GAS2: variants seen among roughly 807,000 people sequenced by gnomAD.
The protein encoded by GAS2 is growth arrest specific 2, also known as growth arrest-specific protein 2.
GAS2 carries 20 observed loss-of-function variants against 37.5 expected under a neutral mutation model. That is an observed-to-expected ratio of 0.53 (90% CI 0.37 to 0.77). GAS2 has a LOEUF of 0.77. Among genes scored for constraint, GAS2 ranks in the 30% least tolerant of loss-of-function variants. The pLI is 0.00. For synonymous variants in GAS2, 144 were observed against 132.2 expected (o/e 1.09, Z -0.61); for missense variants, 336 against 373.4 (o/e 0.90, Z 0.82).
intron 7 of GAS2, among the ~76,000 whole-genome samples, chr11:22,777,796 A>C (rs1855336832): frequency 6.6e-6 from 1 of 152,200 alleles, no homozygotes; most frequent in Non-Finnish European, 1.5e-5. Flanking sequence ...AAGGCATTAC[A>C]CGGCAATTGG....
intron 7 of GAS2, among the ~76,000 whole-genome samples, chr11:22,769,763 C>A (rs1390514569): frequency 6.6e-6 from 1 of 152,118 alleles, no homozygotes; most frequent in African/African-American, 2.4e-5. Flanking sequence ...TTTGGAATCT[C>A]TAATTTTGAG....
At chr11:22,654,346 TC>T (rs1232163490) in intron 1 of GAS2, among the ~76,000 whole-genome samples, 1 of 152,024 alleles carries the variant, frequency 6.6e-6, no homozygotes, top group African/African-American at 2.4e-5. Context: ...ATTTTTTCCT[TC>T]CTTCCTTTCC....
chr11:22,685,060 G>A (rs906181012), intron 2 of GAS2, among the ~76,000 whole-genome samples: 1 of 151,982 alleles, frequency 6.6e-6, no homozygotes, highest in Non-Finnish European at 1.5e-5. Flanking sequence ...AGTACTTTTG[G>A]AGGCCGAGGC....
At chr11:22,685,194 G>A (rs1037242124) in intron 2 of GAS2, among the ~76,000 whole-genome samples, 1 of 152,080 alleles carries the variant, frequency 6.6e-6, no homozygotes, top group Non-Finnish European at 1.5e-5. Flanking sequence ...GACCTACGGC[G>A]TTCTTGTAGT....
chr11:22,703,291 G>T (rs986701055), intron 3 of GAS2, among the ~76,000 whole-genome samples: 1 of 152,142 alleles, frequency 6.6e-6, no homozygotes, highest in Non-Finnish European at 1.5e-5. Context: ...TGTAAAAGGA[G>T]TCTAACTGGG....
intron 1 of GAS2, among the ~76,000 whole-genome samples, chr11:22,654,632 G>A (rs1300299850): frequency 6.6e-6 from 1 of 152,106 alleles, no homozygotes; most frequent in East Asian, 1.9e-4. Context: ...CCAGGCTAAA[G>A]TAATCCTCCC....
chr11:22,811,716 T>A lies in GAS2; in HGVS notation c.724-82T>A, dbSNP rs551257824. The A allele has an allele frequency of 1.6e-5, 21 of 1,322,298 alleles. No homozygotes were observed. The Admixed American group carries it at 3.7e-4, about 23-fold the overall frequency. The allele number at this position is 1,322,298 out of a possible 1,614,324, so 81.9% of individuals were successfully genotyped here. ...GGTCATGAAATACAAACCAAAACAC[T>A]AATTTCACTAGAACCAGGGGTTGAT... On this transcript the variant is annotated intron_variant, in intron 7 of 7. Transcript: ENST00000454584.
At chr11:22,629,659 T>C (rs542332194) in intron 1 of GAS2, among the ~76,000 whole-genome samples, 1 of 151,452 alleles carries the variant, frequency 6.6e-6, no homozygotes, top group Non-Finnish European at 1.5e-5. Flanking sequence ...GGATTATTGG[T>C]TTTTTTTTCT....
chr11:22,773,939 C>A lies in GAS2; in HGVS notation c.723+17986C>A, dbSNP rs76312304. On this transcript the variant is annotated intron_variant, in intron 7 of 7. Transcript: ENST00000454584. Reference sequence around the variant, plus strand: ...TGTAATGTGCTTCCCACCTGGCATGCACTTCCTAGACATTCCCAGTTAAAT... The same window carrying A: ...TGTAATGTGCTTCCCACCTGGCATGAACTTCCTAGACATTCCCAGTTAAAT... Among the ~76,000 whole-genome samples the A allele has an allele frequency of 4.0e-3, 603 of 152,270 alleles. 6 individuals are homozygous for A. Among genetic ancestry groups the A allele is most frequent in the African/African-American group, 0.014 (574 of 41,562 alleles).
intron 7 of GAS2, among the ~76,000 whole-genome samples, chr11:22,790,860 A>G (rs1856121511): frequency 6.6e-6 from 1 of 152,112 alleles, no homozygotes; most frequent in Admixed American, 6.5e-5. Context: ...ATTGCATTGT[A>G]ATAAGAAATT....
chr11:22,803,851 T>G (rs1856770466), intron 7 of GAS2, among the ~76,000 whole-genome samples: 1 of 152,110 alleles, frequency 6.6e-6, no homozygotes, highest in South Asian at 2.1e-4. Context: ...TATTGTGGGA[T>G]TCATGTAACT....
intron 3 of GAS2, among the ~76,000 whole-genome samples, chr11:22,711,658 T>A: frequency 6.6e-6 from 1 of 152,292 alleles, no homozygotes; most frequent in African/African-American, 2.4e-5. Flanking sequence ...CTCAGTGCAG[T>A]TCTGGAAGCA....
rs528308567 is a variant in GAS2 at position 22,712,332 on chromosome 11, G to A, written c.268-13960G>A. 5.3e-5 allele frequency among the ~76,000 whole-genome samples: 8 copies of A among 152,250 alleles called. No homozygotes were observed. In the South Asian group the frequency reaches 6.2e-4, roughly 12 times the overall value. On this transcript the variant is annotated intron_variant, in intron 3 of 7. Transcript: ENST00000454584. ...TGCCATCTCCGCCAGAGCAGGTTCCGGCATCCACAGCTGGGAGACCTGAAG... is the reference window on the plus strand; with the variant it reads ...TGCCATCTCCGCCAGAGCAGGTTCCAGCATCCACAGCTGGGAGACCTGAAG...
chr11:22,647,519 A>G (rs1202824962), intron 1 of GAS2, among the ~76,000 whole-genome samples: 1 of 152,004 alleles, frequency 6.6e-6, no homozygotes. Context: ...CAATGGTTGA[A>G]CTAGTTTACA....
chr11:22,742,119 A>T (rs1197777688), intron 5 of GAS2, among the ~76,000 whole-genome samples: 2 of 151,272 alleles, frequency 1.3e-5, no homozygotes, highest in African/African-American at 4.9e-5. Context: ...CTATCACTTT[A>T]AAAAAAAATG....
At chr11:22,801,720 A>G (rs1292361248) in intron 7 of GAS2, among the ~76,000 whole-genome samples, 1 of 152,096 alleles carries the variant, frequency 6.6e-6, no homozygotes, top group Admixed American at 6.6e-5. Flanking sequence ...TGAACCACCT[A>G]TGTGACCTCT....
chr11:22,796,270 C>G (rs1856424423), intron 7 of GAS2, among the ~76,000 whole-genome samples: 1 of 152,064 alleles, frequency 6.6e-6, no homozygotes, highest in South Asian at 2.1e-4. Context: ...TTCTCCTCAC[C>G]TGATGGAGGT....
chr11:22,737,626 A>G (rs1414808551), intron 4 of GAS2, 79 bp from the exon 5 acceptor site: 1 of 1,302,730 alleles, frequency 7.7e-7, no homozygotes, highest in Non-Finnish European at 1.1e-6. Context: ...ACGAGGAATG[A>G]GGGTCATTGG....
At chr11:22,751,341 G>C (rs1435393670) in intron 6 of GAS2, among the ~76,000 whole-genome samples, 1 of 151,810 alleles carries the variant, frequency 6.6e-6, no homozygotes, top group South Asian at 2.1e-4. Context: ...AGATTTTTCT[G>C]GTATCTCTCA....
Sources: gnomAD v4.1 joint callset for allele counts (sites outside exome capture counted in the v4.1 genomes callset) on GRCh38, gnomAD v4.1.1 for gene constraint, MANE v1.5 for transcripts, NCBI Gene and HGNC (gene_info 2026-07-23, HGNC 2026-07-21) for gene names.